The following HYKK variants were observed in gnomAD, a reference collection of about 807,000 sequenced individuals.
HYKK encodes the protein hydroxylysine kinase.
Under a neutral mutation model 29.7 loss-of-function variants are expected in HYKK, and 19 were observed. The observed-to-expected ratio is 0.64, with a 90% CI of 0.45 to 0.94. The LOEUF is 0.94. Among genes scored for constraint, HYKK ranks in the 40% least tolerant of loss-of-function variants. The pLI is 0.00. For synonymous variants in HYKK, 152 were observed against 158.1 expected (o/e 0.96, Z 0.29); for missense variants, 390 against 443.4 (o/e 0.88, Z 1.08).
At chr15:78,521,982 CTTTT>C (rs781592743) in intron 3 of HYKK, among the ~76,000 whole-genome samples, 1 of 140,780 alleles carries the variant, frequency 7.1e-6, no homozygotes, top group Non-Finnish European at 1.6e-5. Flanking sequence ...CTTTCTTCTT[CTTTT>C]TTTTTTTTTT....
intron 1 of HYKK, among the ~76,000 whole-genome samples, chr15:78,508,880 CAAAAAAAA>C (rs71148531): frequency 7.2e-5 from 4 of 55,614 alleles, no homozygotes; most frequent in African/African-American, 1.5e-4. Flanking sequence ...CCTCTCTCTC[CAAAAAAAA>C]AAAAAAAAAA....
chr15:78,513,223 C>T lies in HYKK; in HGVS notation c.135C>T (p.Asp45=). 2 of 1,614,166 alleles carry T rather than the reference C, an allele frequency of 1.2e-6. No homozygotes were observed. Among genetic ancestry groups the T allele is most frequent in the Non-Finnish European group, 1.7e-6 (2 of 1,180,030 alleles). ...TCCGGCCACTTCCTAGCTATGATGA[C>T]CAAAACTTTCATGTCTACGTTTCAA... ...SKVRPLPSYD[D]QNFHVYVSKT... The change falls in exon 2 of 5, where the codon GAC becomes GAT. Residue 45 remains aspartate (D), a synonymous_variant. Coordinates refer to ENST00000388988, the MANE Select transcript of HYKK (RefSeq NM_001013619.4).
At chr15:78,515,228 A>T in intron 3 of HYKK, 121 bp downstream of exon 3, 1 of 651,884 alleles carries the variant, frequency 1.5e-6, no homozygotes, top group Non-Finnish European at 2.4e-6. Context: ...TATGTTATGA[A>T]GGGAATGGAG....
chr15:78,537,149 A>G, downstream of HYKK: 1 of 420,174 alleles, frequency 2.4e-6, no homozygotes, highest in South Asian at 8.1e-5. Context: ...ACAGACAGCA[A>G]TTGTGGGACT....
rs568055136 is a variant in HYKK, at chr15:78,536,265, T to C, written c.*2595T>C. ...TCACTACCACAGAGTTCCATGCTAC[T>C]TTCTCTCCCTCTCCCTCCTCTCCTG... On this transcript the variant is annotated 3_prime_UTR_variant, in exon 5 of 5. Transcript: ENST00000388988. The C allele has an allele frequency of 9.7e-4, 147 of 151,856 alleles. No individual in the cohort carries two copies. Among genetic ancestry groups the C allele is most frequent in the African/African-American group, 3.3e-3 (138 of 41,304 alleles). 9.4% of individuals were successfully genotyped at this position (151,856 alleles called of 1,614,324 possible). A position where few individuals can be genotyped will look rare whatever the true frequency, so the allele number is the denominator to read the frequency against.
chr15:78,531,321 A>G (rs897583479), intron 4 of HYKK, among the ~76,000 whole-genome samples: 2 of 152,176 alleles, frequency 1.3e-5, no homozygotes, highest in African/African-American at 4.8e-5. Flanking sequence ...TTTAAAAGAA[A>G]GTATATTCTG....
At chr15:78,523,960 T>C (rs1173002806) in intron 3 of HYKK, among the ~76,000 whole-genome samples, 2 of 152,260 alleles carry the variant, frequency 1.3e-5, no homozygotes, top group African/African-American at 4.8e-5. Flanking sequence ...CCCCTGTGGC[T>C]GCTCTCAAGG....
chr15:78,533,183 G>GT (rs749572145), intron 4 of HYKK, 27 bp from the exon 5 acceptor site: 3 of 1,404,910 alleles, frequency 2.1e-6, no homozygotes, highest in African/African-American at 2.8e-5. Flanking sequence ...TTCAATAACT[G>GT]TTTTTACATG....
At position 78,515,126 on chromosome 15, in the gene HYKK, T is replaced by C; in HGVS notation, c.477+19T>C. 3.3e-6 allele frequency: 5 copies of C among 1,529,420 alleles called. No individual in the cohort carries two copies. Among genetic ancestry groups the C allele is most frequent in the Non-Finnish European group, 4.4e-6 (5 of 1,136,968 alleles). The allele number at this position is 1,529,420 out of a possible 1,614,324, so 94.7% of individuals were successfully genotyped here. On this transcript the variant is annotated intron_variant, in intron 3 of 4. Transcript: ENST00000388988. The stretch of plus-strand genomic sequence containing the variant: ...ACTGCAGGTAAGATTTGGGGCTTTA[T>C]TTTATTCTAAGGGATGTTTGTTTGC...
chr15:78,507,596 C>G lies in HYKK; in HGVS notation c.-81C>G, dbSNP rs2052024820. ...CTGCGGCCCCTGCTCTACCTCCTAG[C>G]GCCGGTGCGCGGCCGAGGCCGCACT... On this transcript the variant is annotated 5_prime_UTR_variant, in exon 1 of 5. Coordinates refer to ENST00000388988, the MANE Select transcript of HYKK (RefSeq NM_001013619.4). The G allele has an allele frequency of 1.3e-5, 2 of 152,406 alleles. No individual in the cohort carries two copies. Among genetic ancestry groups the G allele is most frequent in the African/African-American group, 4.8e-5 (2 of 41,460 alleles). 9.4% of individuals were successfully genotyped at this position (152,406 alleles called of 1,614,324 possible).
In HYKK at chr15:78,514,960, C is replaced by A. The variant is rs1170935939; in HGVS notation, c.338-8C>A. ...TTAGTCAAAGGATATTTTATTCCAT[C>A]CATTTAGATAGTGGCTCTGAAATCA... On this transcript the variant is annotated splice_polypyrimidine_tract_variant and splice_region_variant and intron_variant, in intron 2 of 4. Transcript: ENST00000388988. 9.1e-6 allele frequency: 13 copies of A among 1,421,344 alleles called. No homozygotes were observed. Among genetic ancestry groups the A allele is most frequent in the Non-Finnish European group, 1.2e-5 (13 of 1,066,224 alleles). 88.0% of individuals were successfully genotyped at this position (1,421,344 alleles called of 1,614,324 possible). A position where few individuals can be genotyped will look rare whatever the true frequency, so the allele number is the denominator to read the frequency against.
chr15:78,522,248 C>T (rs2052204396), intron 3 of HYKK, among the ~76,000 whole-genome samples: 1 of 152,146 alleles, frequency 6.6e-6, no homozygotes, highest in African/African-American at 2.4e-5. Flanking sequence ...AAAGTAATAG[C>T]TCCTAACAGT....
chr15:78,533,043 C>T (rs1481966439), intron 4 of HYKK, among the ~76,000 whole-genome samples, 167 bp from the exon 5 acceptor site: 1 of 152,176 alleles, frequency 6.6e-6, no homozygotes, highest in Non-Finnish European at 1.5e-5. Context: ...CCCAAATTAA[C>T]TGCTTTTATT....
In HYKK at chr15:78,524,571, T is replaced by C. The variant is rs138053407; in HGVS notation, c.478-2809T>C. 3.9e-3 allele frequency among the ~76,000 whole-genome samples: 596 copies of C among 152,256 alleles called. 7 individuals carry two copies. The highest frequency in any genetic ancestry group is 0.014 in the African/African-American group (565 of 41,564). On this transcript the variant is annotated intron_variant, in intron 3 of 4. Transcript: ENST00000388988. Reference sequence around the variant, plus strand: ...TTAGCGCTTGGCTCCTTTTTACTTATGCAAATTTCTGCAGCCTTCTTGAGG... The same window carrying C: ...TTAGCGCTTGGCTCCTTTTTACTTACGCAAATTTCTGCAGCCTTCTTGAGG...
At chr15:78,508,924 T>G (rs2141550950) in intron 1 of HYKK, among the ~76,000 whole-genome samples, 1 of 138,990 alleles carries the variant, frequency 7.2e-6, no homozygotes, top group South Asian at 2.4e-4. Flanking sequence ...GGCACCTGCC[T>G]GCAGTCCCAG....
chr15:78,531,375 TA>T (rs1358547131), intron 4 of HYKK, among the ~76,000 whole-genome samples: 1 of 152,218 alleles, frequency 6.6e-6, no homozygotes, highest in Non-Finnish European at 1.5e-5. Flanking sequence ...TCAAGTTTGT[TA>T]ATCATTTTTA....
chr15:78,516,853 T>G (rs1420584335), intron 3 of HYKK, among the ~76,000 whole-genome samples: 1 of 151,806 alleles, frequency 6.6e-6, no homozygotes, highest in African/African-American at 2.4e-5. Flanking sequence ...AAACCCTGTC[T>G]CTACTAAAAA....
chr15:78,516,304 T>G (rs1157598336), intron 3 of HYKK, among the ~76,000 whole-genome samples: 1 of 151,992 alleles, frequency 6.6e-6, no homozygotes, highest in Non-Finnish European at 1.5e-5. Context: ...CATCCTCATT[T>G]TGAGTGGGCT....
intron 3 of HYKK, among the ~76,000 whole-genome samples, chr15:78,516,395 G>A (rs1312833048): frequency 6.7e-6 from 1 of 148,266 alleles, no homozygotes; most frequent in Non-Finnish European, 1.5e-5. Context: ...TCCTAGGCTG[G>A]AGTGCAGTGG....
Sources: allele counts gnomAD v4.1 joint callset (sites outside exome capture counted in the v4.1 genomes callset), GRCh38; gene constraint gnomAD v4.1.1; transcripts MANE v1.5; gene names NCBI Gene and HGNC (gene_info 2026-07-23, HGNC 2026-07-21).